ARB2A: variants seen among roughly 807,000 people sequenced by gnomAD.
ARB2A encodes the protein ARB2 cotranscriptional regulator A.
the ARB2A span, chr5:93,881,788 G>T: frequency 1.5e-6 from 1 of 655,750 alleles, no homozygotes; most frequent in South Asian, 3.5e-5. Flanking sequence ...TTTTTATATA[G>T]TTGCATATTC....
chr5:93,647,960 T>C, the ARB2A span, among the ~76,000 whole-genome samples: 1 of 151,892 alleles, frequency 6.6e-6, no homozygotes, highest in Non-Finnish European at 1.5e-5. Flanking sequence ...CTGGGCAACA[T>C]GGGGAAAACA....
At chr5:93,830,193 T>C in the ARB2A span, among the ~76,000 whole-genome samples, 1 of 151,300 alleles carries the variant, frequency 6.6e-6, no homozygotes, top group Non-Finnish European at 1.5e-5. Flanking sequence ...TTCCACCTAT[T>C]GATGGTTGGC....
chr5:93,756,368 A>G, the ARB2A span, among the ~76,000 whole-genome samples: 1 of 152,166 alleles, frequency 6.6e-6, no homozygotes, highest in African/African-American at 2.4e-5. Context: ...TCTGGATACT[A>G]CTACAGCTGA....
At chr5:93,833,438 G>T in the ARB2A span, among the ~76,000 whole-genome samples, 4 of 152,064 alleles carry the variant, frequency 2.6e-5, no homozygotes, top group African/African-American at 7.2e-5. Flanking sequence ...TGGATAAAGC[G>T]TAAGTATCCA....
chr5:93,878,686 A>T, the ARB2A span, among the ~76,000 whole-genome samples: 5 of 152,046 alleles, frequency 3.3e-5, no homozygotes, highest in African/African-American at 1.2e-4. Context: ...GTTTATAAAC[A>T]TTTAAGAAAC....
chr5:93,907,149 C>T, the ARB2A span, among the ~76,000 whole-genome samples: 1 of 151,220 alleles, frequency 6.6e-6, no homozygotes, highest in Non-Finnish European at 1.5e-5. Context: ...TGAGAGTCAG[C>T]CAAAGAGTCA....
At chr5:93,633,230 CCA>C in the ARB2A span, among the ~76,000 whole-genome samples, 1 of 152,206 alleles carries the variant, frequency 6.6e-6, no homozygotes, top group Non-Finnish European at 1.5e-5. Context: ...CCTCTGCAAT[CCA>C]CAGTGATCTA....
chr5:94,056,484 G>A, the ARB2A span, among the ~76,000 whole-genome samples: 2 of 152,064 alleles, frequency 1.3e-5, no homozygotes, highest in African/African-American at 2.4e-5. Flanking sequence ...TGCAAAAATC[G>A]AGTATAATGA....
the ARB2A span, among the ~76,000 whole-genome samples, chr5:94,017,837 C>A: frequency 1.3e-5 from 2 of 152,182 alleles, no homozygotes; most frequent in African/African-American, 4.8e-5. Context: ...CCAACCAAAT[C>A]TCAACTTGAA....
the ARB2A span, chr5:93,618,940 C>T: frequency 1.3e-5 from 2 of 152,280 alleles, no homozygotes; most frequent in East Asian, 1.9e-4. Context: ...GCAGAAGCTT[C>T]GCCAATTTAG....
At chr5:93,647,344 A>C in the ARB2A span, among the ~76,000 whole-genome samples, 4 of 152,250 alleles carry the variant, frequency 2.6e-5, no homozygotes, top group African/African-American at 9.6e-5. Flanking sequence ...CTCCTGCCTT[A>C]GCCTCCAGAG....
At chr5:93,664,363 A>G in the ARB2A span, among the ~76,000 whole-genome samples, 1 of 152,150 alleles carries the variant, frequency 6.6e-6, no homozygotes, top group African/African-American at 2.4e-5. Flanking sequence ...TTATAGGCAT[A>G]TTATTTTTTT....
At chr5:93,618,823 TTA>T in the ARB2A span, 1 of 152,216 alleles carries the variant, frequency 6.6e-6, no homozygotes, top group Admixed American at 6.5e-5. Context: ...AAATAGTGAT[TTA>T]TTCTAGCTAT....
chr5:94,082,876 T>A, the ARB2A span, among the ~76,000 whole-genome samples: 1 of 152,294 alleles, frequency 6.6e-6, no homozygotes, highest in East Asian at 1.9e-4. Flanking sequence ...AAAAGAGAAT[T>A]AGAAATTTGA....
At chr5:94,084,535 T>C in the ARB2A span, among the ~76,000 whole-genome samples, 1 of 152,162 alleles carries the variant, frequency 6.6e-6, no homozygotes, top group African/African-American at 2.4e-5. Flanking sequence ...TTCACAGAAC[T>C]TGAAAAACTA....
At chr5:93,843,202 G>C in the ARB2A span, among the ~76,000 whole-genome samples, 2 of 152,140 alleles carry the variant, frequency 1.3e-5, no homozygotes, top group African/African-American at 2.4e-5. Flanking sequence ...GATGCTTAGA[G>C]ATTCCAATTA....
the ARB2A span, among the ~76,000 whole-genome samples, chr5:93,629,093 C>T: frequency 2.3e-4 from 35 of 152,262 alleles, no homozygotes; most frequent in African/African-American, 8.4e-4. Flanking sequence ...TTCACTTGAA[C>T]ACTTAGAGGC....
At chr5:93,933,164 G>A in the ARB2A span, among the ~76,000 whole-genome samples, 3 of 152,206 alleles carry the variant, frequency 2.0e-5, no homozygotes, top group African/African-American at 7.2e-5. Flanking sequence ...AGATACTGGA[G>A]AGGATGTAGA....
chr5:94,019,256 G>C, the ARB2A span, among the ~76,000 whole-genome samples: 60 of 152,232 alleles, frequency 3.9e-4, 1 homozygote, highest in African/African-American at 1.4e-3. Context: ...CATGGGCAAA[G>C]ACTTCATGAC....
Sources: gnomAD v4.1 joint callset for allele counts (sites outside exome capture counted in the v4.1 genomes callset) on GRCh38, gnomAD v4.1.1 for gene constraint, MANE v1.5 for transcripts, NCBI Gene and HGNC (gene_info 2026-07-23, HGNC 2026-07-21) for gene names.